The following IGSF23 variants were observed in gnomAD, a reference collection of about 807,000 sequenced individuals.
IGSF23 encodes immunoglobulin superfamily, member 23.
IGSF23 carries 14 observed loss-of-function variants against 17.8 expected under a neutral mutation model. The ratio of observed to expected loss-of-function variants is 0.79; its 90% confidence interval spans 0.52 to 1.23. IGSF23 has a LOEUF of 1.23. IGSF23 is among the 50% of genes most tolerant of loss of function. IGSF23 has a pLI of 0.00. For missense variants in IGSF23, 214 were observed against 241.7 expected, an observed-to-expected ratio of 0.89 and a Z score of 0.76; for synonymous variants, 85 against 92.5, an observed-to-expected ratio of 0.92 and a Z score of 0.46.
At chr19:44,621,418 G>A (rs945559344) in intron 1 of IGSF23, among the ~76,000 whole-genome samples, 7 of 151,656 alleles carry the variant, frequency 4.6e-5, no homozygotes, top group Non-Finnish European at 5.9e-5. Flanking sequence ...GGAGGACAAG[G>A]TGGGTGGATC....
At chr19:44,613,839 CG>C in intron 1 of IGSF23, 69 bp downstream of exon 1, 1 of 1,546,684 alleles carries the variant, frequency 6.5e-7, no homozygotes, top group South Asian at 1.2e-5. Flanking sequence ...AGGGTGAGGC[CG>C]GGGCTGCAGA....
intron 3 of IGSF23, chr19:44,632,157 C>T (rs1040206758): frequency 9.9e-5 from 34 of 343,256 alleles, no homozygotes; most frequent in African/African-American, 6.7e-4. Context: ...TTTTTGAGGG[C>T]AGTATGCCTC....
At chr19:44,635,858 T>C (rs1264657987) in intron 4 of IGSF23, among the ~76,000 whole-genome samples, 2 of 152,238 alleles carry the variant, frequency 1.3e-5, no homozygotes, top group Non-Finnish European at 2.9e-5. Context: ...CAAAATTCAC[T>C]GGCTTGAAAC....
intron 1 of IGSF23, among the ~76,000 whole-genome samples, chr19:44,614,725 C>A (rs1248759598): frequency 1.3e-5 from 2 of 152,148 alleles, no homozygotes; most frequent in Non-Finnish European, 2.9e-5. Context: ...AGCCACTGCG[C>A]CCAGCCTGTC....
intron 1 of IGSF23, among the ~76,000 whole-genome samples, chr19:44,622,858 G>A (rs1972550909): frequency 6.6e-6 from 1 of 151,886 alleles, no homozygotes; most frequent in Non-Finnish European, 1.5e-5. Context: ...TTTTTCTTAG[G>A]AATCCACATG....
At position 44,623,986 on chromosome 19, in the gene IGSF23, T is replaced by TCCACCCCACC; in HGVS notation, c.391+26_391+35dup. 6.5e-7 allele frequency: 1 copy of TCCACCCCACC among 1,540,792 alleles called. No individual in the cohort carries two copies. The highest frequency in any genetic ancestry group is 8.7e-7 in the Non-Finnish European group (1 of 1,143,232). On this transcript the variant is annotated intron_variant, in intron 2 of 4. Coordinates refer to ENST00000402988, the MANE Select transcript of IGSF23 (RefSeq NM_001205280.2). Reference sequence around the variant, plus strand: ...TCTCGCTGCCAAGTGAGTCCCCCATTCCACCCCACCCCACCCCACCCAAGA... The same window carrying TCCACCCCACC: ...TCTCGCTGCCAAGTGAGTCCCCCATTCCACCCCACCCCACCCCACCCCACCCCACCCAAGA...
intron 1 of IGSF23, among the ~76,000 whole-genome samples, chr19:44,615,067 A>G (rs978362829): frequency 6.6e-6 from 1 of 152,036 alleles, no homozygotes; most frequent in African/African-American, 2.4e-5. Flanking sequence ...AGGCAGGCGG[A>G]TCACGAGGTC....
chr19:44,626,952 A>AAG lies in IGSF23; in HGVS notation c.392-458_392-457dup, dbSNP rs201361153. ...AAAAAAAAAAGGAATTATGCAAGCC[A>AAG]AGAGAGAGAGATGGCATTCCAGAGA... On this transcript the variant is annotated intron_variant, in intron 2 of 4. Transcript: ENST00000402988. Among the ~76,000 whole-genome samples, 927 of 151,514 alleles carry AAG rather than the reference A, an allele frequency of 6.1e-3. 8 individuals are homozygous for AAG. Among genetic ancestry groups the AAG allele is most frequent in the African/African-American group, 0.02 (817 of 41,346 alleles).
At position 44,627,540 on chromosome 19, in the gene IGSF23, C is replaced by T; in HGVS notation, c.512C>T (p.Ala171Val). Reference protein sequence around the residue: ...AGILGAGALIAGMCFIIIQSL... With the variant: ...AGILGAGALIVGMCFIIIQSL... ...ATCCTGGGAGCCGGGGCACTGATTG[C>T]AGGCATGTGTTTCATCATCATCCAG... The change falls in exon 3 of 5, where the codon GCA becomes GTA. Residue 171 changes from alanine (A) to valine (V), a missense_variant. Transcript: ENST00000402988. 6.4e-7 allele frequency: 1 copy of T among 1,550,508 alleles called. No homozygotes were observed.
chr19:44,613,573 T>C lies in IGSF23; in HGVS notation c.-73T>C. The C allele has an allele frequency of 6.8e-7, 1 of 1,473,902 alleles. No individual in the cohort carries two copies. The highest frequency in any genetic ancestry group is 9.1e-7 in the Non-Finnish European group (1 of 1,103,148). 91.3% of individuals were successfully genotyped at this position (1,473,902 alleles called of 1,614,324 possible). ...GGTTGACCTTTGGCCATTCCTTGCC[T>C]TTGATGTGAGTGATAGGAGCGGGCG... is the stretch of plus-strand genomic sequence containing the variant. On this transcript the variant is annotated 5_prime_UTR_variant, in exon 1 of 5. Transcript: ENST00000402988.
intron 1 of IGSF23, among the ~76,000 whole-genome samples, chr19:44,620,229 A>T (rs1972483860): frequency 6.6e-6 from 1 of 152,018 alleles, no homozygotes; most frequent in Admixed American, 6.5e-5. Context: ...AGACCATGCC[A>T]CTGCACACTT....
intron 1 of IGSF23, among the ~76,000 whole-genome samples, chr19:44,618,981 T>TAAAAA (rs34199985): frequency 1.4e-5 from 2 of 145,112 alleles, no homozygotes; most frequent in Non-Finnish European, 3.0e-5. Flanking sequence ...GTTATTTATT[T>TAAAAA]AAAAAAAAAA....
In IGSF23 at chr19:44,613,583, G is replaced by A. The variant is rs1972298571; in HGVS notation, c.-63G>A. The A allele has an allele frequency of 6.7e-7, 1 of 1,484,090 alleles. No individual in the cohort carries two copies. Among genetic ancestry groups the A allele is most frequent in the Non-Finnish European group, 9.0e-7 (1 of 1,108,372 alleles). 91.9% of individuals were successfully genotyped at this position (1,484,090 alleles called of 1,614,324 possible). A position where few individuals can be genotyped will look rare whatever the true frequency, so the allele number is the denominator to read the frequency against. On this transcript the variant is annotated 5_prime_UTR_variant, in exon 1 of 5. The change creates a new upstream start codon in the 5' untranslated region. Transcript: ENST00000402988. The stretch of plus-strand genomic sequence containing the variant: ...TGGCCATTCCTTGCCTTTGATGTGA[G>A]TGATAGGAGCGGGCGATTCTGCTTC...
Position 44,632,354 on chromosome 19 carries a change from T to C in IGSF23, c.546-3047T>C, listed in dbSNP as rs572001830. On this transcript the variant is annotated intron_variant, in intron 3 of 4. Coordinates refer to ENST00000402988, the MANE Select transcript of IGSF23 (RefSeq NM_001205280.2). ...ACGGCAATGGTGATTACCACTATCA[T>C]AGCTACCATTACTCATTCTGAGTGG... 8 of 169,018 alleles carry C rather than the reference T, an allele frequency of 4.7e-5. No homozygotes were observed. In the South Asian group the frequency reaches 6.5e-4, roughly 14 times the overall value. The allele number at this position is 169,018 out of a possible 1,614,324, so 10.5% of individuals were successfully genotyped here.
At chr19:44,625,364 C>A (rs1027949545) in intron 2 of IGSF23, among the ~76,000 whole-genome samples, 6 of 152,166 alleles carry the variant, frequency 3.9e-5, no homozygotes, top group African/African-American at 1.4e-4. Context: ...TTAATTGTAG[C>A]TATTACCATA....
intron 1 of IGSF23, among the ~76,000 whole-genome samples, chr19:44,614,805 C>A (rs910931301): frequency 6.6e-6 from 1 of 152,082 alleles, no homozygotes; most frequent in Non-Finnish European, 1.5e-5. Context: ...CAGAGCTGTA[C>A]GATCCCTATT....
chr19:44,616,180 T>C (rs1972372184), intron 1 of IGSF23, among the ~76,000 whole-genome samples: 1 of 152,182 alleles, frequency 6.6e-6, no homozygotes, highest in African/African-American at 2.4e-5. Context: ...TCTACTTTTT[T>C]TTCCTAAGGA....
chr19:44,630,433 A>G (rs189621200), intron 3 of IGSF23, among the ~76,000 whole-genome samples: 1 of 152,362 alleles, frequency 6.6e-6, no homozygotes, highest in African/African-American at 2.4e-5. Flanking sequence ...AACTTGCCCA[A>G]GGACACACAG....
chr19:44,636,670 G>C lies in IGSF23; in HGVS notation c.*283G>C, dbSNP rs1049943725. On this transcript the variant is annotated 3_prime_UTR_variant, in exon 5 of 5. Transcript: ENST00000402988. The stretch of plus-strand genomic sequence containing the variant: ...TGGGAGCTCAGTGCTCAGAAAACAG[G>C]GGGGAGGTTTTACCTTGGAAATTGG... The C allele has an allele frequency of 1.3e-5, 2 of 152,166 alleles. No homozygotes were observed. Among genetic ancestry groups the C allele is most frequent in the Non-Finnish European group, 2.9e-5 (2 of 68,034 alleles). 9.4% of individuals were successfully genotyped at this position (152,166 alleles called of 1,614,324 possible). A position where few individuals can be genotyped will look rare whatever the true frequency, so the allele number is the denominator to read the frequency against.
Sources: gnomAD v4.1 joint callset for allele counts (sites outside exome capture counted in the v4.1 genomes callset) on GRCh38, gnomAD v4.1.1 for gene constraint, MANE v1.5 for transcripts, NCBI Gene and HGNC (gene_info 2026-07-23, HGNC 2026-07-21) for gene names.